The following MZF1 variants were observed in gnomAD, a reference collection of about 807,000 sequenced individuals.
MZF1 encodes myeloid zinc finger 1.
MZF1 carries 24 observed loss-of-function variants against 28.6 expected under a neutral mutation model. The ratio of observed to expected loss-of-function variants is 0.84; its 90% CI spans 0.61 to 1.18. MZF1 has a LOEUF of 1.18. Ranked by LOEUF, MZF1 falls within the 50% of genes most tolerant of loss-of-function variation. MZF1 has a pLI of 0.00. For synonymous variants in MZF1, 516 were observed against 432.5 expected (o/e 1.19, Z -2.40); for missense variants, 1,166 against 1,026.4 (o/e 1.14, Z -1.86).
intron 3 of MZF1, 87 bp downstream of exon 3, chr19:58,570,257 C>T: frequency 1.5e-6 from 2 of 1,377,676 alleles, no homozygotes; most frequent in Non-Finnish European, 2.0e-6. Context: ...ACAAACCTGG[C>T]CCAGTGGACT....
chr19:58,565,096 A>AT (rs55976513), intron 5 of MZF1, among the ~76,000 whole-genome samples: 10,050 of 133,410 alleles, frequency 0.075, 1,187 homozygotes, highest in African/African-American at 0.25. Context: ...AATTGTTTGT[A>AT]TTTTTTTTTT....
intron 2 of MZF1, 85 bp from the exon 3 acceptor site, chr19:58,570,612 T>C (rs1289571364): frequency 7.0e-7 from 1 of 1,423,912 alleles, no homozygotes; most frequent in African/African-American, 1.4e-5. Context: ...CATCCCACTG[T>C]AGGATCCCAG....
rs765692330 is a variant in MZF1, at chr19:58,562,901, T to C, written c.1376A>G (p.Gln459Arg). The C allele has an allele frequency of 5.1e-6, 8 of 1,570,818 alleles. No individual in the cohort carries two copies. In the African/African-American group the frequency reaches 1.1e-4, roughly 22 times the overall value. ...GCCCGGGGGATCGCCGTGGATGCGC[T>C]GGTGCTGCAGCAGATTGGAGCGCTG... The part of the protein sequence containing the change: ...FRQRSNLLQH[Q>R]RIHGDPPGPG... The change falls in exon 6 of 6, where the codon CAG (glutamine) becomes CGG (arginine). Residue 459 changes from glutamine to arginine, a missense_variant. Gln to Arg is a conservative substitution (Grantham distance 43). Transcript: ENST00000215057.
At chr19:58,571,560 G>A in intron 1 of MZF1, 131 bp from the exon 2 acceptor site, 1 of 848,964 alleles carries the variant, frequency 1.2e-6, no homozygotes. Flanking sequence ...GGCAAAGAAA[G>A]GCCATCTACA....
chr19:58,565,258 C>G (rs540059179), intron 5 of MZF1, among the ~76,000 whole-genome samples: 2 of 152,070 alleles, frequency 1.3e-5, no homozygotes, highest in African/African-American at 4.8e-5. Context: ...CCACACCCGG[C>G]TAATTTTGTA....
intron 5 of MZF1, among the ~76,000 whole-genome samples, chr19:58,567,282 G>A (rs2054076462): frequency 6.6e-6 from 1 of 152,216 alleles, no homozygotes; most frequent in Admixed American, 6.5e-5. Context: ...CAGGGCACCA[G>A]CCAGGCTGGA....
In MZF1 at chr19:58,571,008, C is replaced by T. The variant is rs142655497; in HGVS notation, c.382G>A (p.Gly128Arg). ...CACTCACTCACCCATCTCCGGGGTC[C>T]GCCCGGCTCCCGGCGCAGCCCATCT... ...LVDGLRREPG[G>R]PRRWVTVQVQ... The change falls in exon 2 of 6, where the codon GGA becomes AGA. Residue 128 changes from glycine (G) to arginine (R), a missense_variant. Physicochemically the swap from Gly to Arg is moderately radical, Grantham distance 125. Transcript: ENST00000215057. 769 of 1,607,470 alleles carry T rather than the reference C, an allele frequency of 4.8e-4. 1 individual carries two copies. In the African/African-American group the frequency reaches 8.4e-3, roughly 18 times the overall value.
At position 58,564,902 on chromosome 19, in the gene MZF1, G is replaced by GGTTTTTTT. The variant is rs1872485914; in HGVS notation, c.773-1399_773-1398insAAAAAAAC. ...GTGGAGAATAAGCATCCATGTGTGT[G>GGTTTTTTT]TTTTTTTTTTTTTTTTTTTTTTTTT... On this transcript the variant is annotated intron_variant, in intron 5 of 5. Transcript: ENST00000215057. 2.6e-4 allele frequency among the ~76,000 whole-genome samples: 11 copies of GGTTTTTTT among 41,954 alleles called. 2 individuals carry two copies. The highest frequency in any genetic ancestry group is 1.2e-3 in the South Asian group (1 of 802). 27.5% of individuals were successfully genotyped at this position (41,954 alleles called of 152,430 possible).
Position 58,562,292 on chromosome 19 carries a change from A to C in MZF1, c.1985T>G (p.Phe662Cys). 6.2e-7 allele frequency: 1 copy of C among 1,609,922 alleles called. No individual in the cohort carries two copies. Among genetic ancestry groups the C allele is most frequent in the South Asian group, 1.1e-5 (1 of 90,876 alleles). The change falls in exon 6 of 6, where the codon TTT (phenylalanine) becomes TGT (cysteine). Residue 662 changes from phenylalanine (F) to cysteine (C), a missense_variant. Phe to Cys is a radical substitution (Grantham distance 205). Transcript: ENST00000215057. ...CTGGGTGAGGTTGGCGTGCTGCCGAAAGCTCTGGCCGCACTCGGGGCAGGC... is the reference window on the plus strand; with the variant it reads ...CTGGGTGAGGTTGGCGTGCTGCCGACAGCTCTGGCCGCACTCGGGGCAGGC... ...PFACPECGQS[F>C]RQHANLTQHR...
chr19:58,565,846 A>T (rs529506266), intron 5 of MZF1, among the ~76,000 whole-genome samples: 3 of 144,566 alleles, frequency 2.1e-5, no homozygotes, highest in African/African-American at 7.6e-5. Flanking sequence ...TGTGTTTTAA[A>T]GGAGAGGAAT....
At chr19:58,567,441 G>A (rs1050262333) in intron 5 of MZF1, among the ~76,000 whole-genome samples, 7 of 152,236 alleles carry the variant, frequency 4.6e-5, no homozygotes, top group Admixed American at 6.5e-5. Context: ...GTGAGAAACC[G>A]TACTGAGAAA....
rs760504996 is a variant in MZF1, at chr19:58,566,156, AGAG to A, written c.773-2655_773-2653del. 1.3e-3 allele frequency among the ~76,000 whole-genome samples: 193 copies of A among 146,580 alleles called. 1 individual carries two copies. Among genetic ancestry groups the A allele is most frequent in the Non-Finnish European group, 2.2e-3 (147 of 66,568 alleles). On this transcript the variant is annotated intron_variant, in intron 5 of 5. Transcript: ENST00000215057. ...ACTCCGTCTCAAAAAAAAAAAAAGA[AGAG>A]GAATGGGCCAGGCATGGTGGCTCAC... is the stretch of plus-strand genomic sequence containing the variant.
intron 5 of MZF1, chr19:58,564,442 A>C (rs866586020): frequency 2.6e-5 from 4 of 152,260 alleles, no homozygotes; most frequent in Non-Finnish European, 5.9e-5. Context: ...AAAGATCAAT[A>C]ACCTCATAGA....
At chr19:58,563,547 C>G in intron 5 of MZF1, 43 bp from the exon 6 acceptor site, 1 of 1,451,954 alleles carries the variant, frequency 6.9e-7, no homozygotes, top group Non-Finnish European at 9.2e-7. Context: ...AGAATGCCCA[C>G]CGTGCCGGGA....
Position 58,562,584 on chromosome 19 carries a change from C to G in MZF1, c.1693G>C (p.Gly565Arg). ...TCGGCGCAGGCGAAGGGCCGCTCCC[C>G]GGTGTGGATGCGCCGGTGCTGCGTC... ...NLTQHRRIHT[G>R]ERPFACAECG... The change falls in exon 6 of 6, where the codon GGG becomes CGG. Residue 565 changes from glycine to arginine, a missense_variant. Transcript: ENST00000215057. 6.3e-7 allele frequency: 1 copy of G among 1,591,428 alleles called. No homozygotes were observed. The highest frequency in any genetic ancestry group is 8.5e-7 in the Non-Finnish European group (1 of 1,171,798).
chr19:58,569,319 T>C lies in MZF1; in HGVS notation c.730A>G (p.Arg244Gly), dbSNP rs2054113767. ...CCAGCTTCCTCATGCCACAGGGCCC[T>C]GGGGTGCTCCCTCCATGAGGGACCC... ...PEGPSWREHP[R>G]ALWHEEAGGI... Residue 244 changes from arginine (R) to glycine (G), a missense_variant, in exon 5 of 6, where the codon AGG (arginine) becomes GGG (glycine). By Grantham distance (125) the Arg-to-Gly change is moderately radical. Transcript: ENST00000215057. 1 of 1,613,186 alleles carries C rather than the reference T, an allele frequency of 6.2e-7. No individual in the cohort carries two copies. Among genetic ancestry groups the C allele is most frequent in the Non-Finnish European group, 8.5e-7 (1 of 1,179,560 alleles).
chr19:58,568,799 A>G (rs111768258), intron 5 of MZF1: 1,564 of 154,770 alleles, frequency 0.01, 29 homozygotes, highest in African/African-American at 0.035. Context: ...GCTGAGAGGT[A>G]GATGGCAGGG....
Position 58,562,830 on chromosome 19 carries a change from C to A in MZF1, c.1447G>T (p.Gly483Cys). 2.0e-6 allele frequency: 3 copies of A among 1,535,138 alleles called. No homozygotes were observed. Among genetic ancestry groups the A allele is most frequent in the Admixed American group, 3.9e-5 (2 of 50,946 alleles). ...CGGCACTCGCTGCACGGAAAGGGGC[C>A]GGGAGGCTCGGGCGCACCAGGAGGG... Reference protein sequence around the residue: ...PAPPGAPEPPGPFPCSECRES... With the variant: ...PAPPGAPEPPCPFPCSECRES... Residue 483 changes from glycine to cysteine, a missense_variant, in exon 6 of 6, where the codon GGC becomes TGC. By Grantham distance (159) the Gly-to-Cys change is radical. Coordinates refer to ENST00000215057, the MANE Select transcript of MZF1 (RefSeq NM_198055.2).
At position 58,562,396 on chromosome 19, in the gene MZF1, G is replaced by A. The variant is rs944207806; in HGVS notation, c.1881C>T (p.Cys627=). The A allele has an allele frequency of 1.2e-6, 2 of 1,609,294 alleles. No individual in the cohort carries two copies. Among genetic ancestry groups the A allele is most frequent in the South Asian group, 2.2e-5 (2 of 90,650 alleles). Residue 627 remains cysteine (C), a synonymous_variant, in exon 6 of 6, where the codon TGC becomes TGT. Transcript: ENST00000215057. ...GCGTGAAGCCCAGGCCGCACTCACC[G>A]CAGTGGTAGGGCTTTTCGCCGGTGT... ...RTHTGEKPYH[C]GECGLGFTQV...
Sources: gnomAD v4.1 joint callset for allele counts (sites outside exome capture counted in the v4.1 genomes callset) on GRCh38, gnomAD v4.1.1 for gene constraint, MANE v1.5 for transcripts, NCBI Gene and HGNC (gene_info 2026-07-23, HGNC 2026-07-21) for gene names.